Variants in ASTN2 observed in about 807,000 individuals in gnomAD.
The protein encoded by ASTN2 is astrotactin 2.
In ASTN2, 54 loss-of-function variants were observed where a neutral mutation model predicts 139.8. The ratio of observed to expected loss-of-function variants is 0.39; its 90% CI spans 0.31 to 0.48. ASTN2 has a LOEUF of 0.48. Among genes scored for constraint, ASTN2 ranks in the 20% least tolerant of loss-of-function variants. The pLI is 0.95. For missense variants in ASTN2, 1,565 were observed against 1,725.1 expected (o/e 0.91, Z 1.64); for synonymous variants, 756 against 719.5 (o/e 1.05, Z -0.81).
intron 10 of ASTN2, among the ~76,000 whole-genome samples, chr9:116,942,582 C>A (rs1835271979): frequency 6.6e-6 from 1 of 152,176 alleles, no homozygotes; most frequent in Admixed American, 6.5e-5. Flanking sequence ...CCCTTTCTTG[C>A]ACAAGGTGGA....
At chr9:117,290,792 C>G (rs995811606) in intron 2 of ASTN2, among the ~76,000 whole-genome samples, 19 of 152,310 alleles carry the variant, frequency 1.2e-4, no homozygotes, top group Admixed American at 9.1e-4. Context: ...ACAGTATTCA[C>G]AACTATAAAG....
At chr9:117,022,411 C>T (rs1837907990) in intron 6 of ASTN2, among the ~76,000 whole-genome samples, 2 of 149,584 alleles carry the variant, frequency 1.3e-5, no homozygotes, top group South Asian at 2.1e-4. Context: ...AAGATCACTT[C>T]TGAGAAATAG....
At chr9:117,299,691 C>A (rs1423612853) in intron 1 of ASTN2, among the ~76,000 whole-genome samples, 1 of 152,126 alleles carries the variant, frequency 6.6e-6, no homozygotes, top group Non-Finnish European at 1.5e-5. Flanking sequence ...GTGCCAGGTC[C>A]CACTTGGGGC....
intron 1 of ASTN2, among the ~76,000 whole-genome samples, chr9:117,342,646 C>A (rs879464691): frequency 2.6e-5 from 4 of 152,198 alleles, no homozygotes; most frequent in Non-Finnish European, 5.9e-5. Context: ...CTGGCTTCTT[C>A]ACCTACAAAA....
chr9:117,169,187 A>C (rs1020378919), intron 3 of ASTN2, among the ~76,000 whole-genome samples: 5 of 133,960 alleles, frequency 3.7e-5, no homozygotes, highest in Admixed American at 2.5e-4. Flanking sequence ...CCTGAGGGAA[A>C]ATAAAAAGGA....
chr9:117,120,633 C>T (rs1289177991), intron 4 of ASTN2, among the ~76,000 whole-genome samples: 3 of 152,124 alleles, frequency 2.0e-5, no homozygotes, highest in African/African-American at 7.2e-5. Context: ...TCCCTAGCCC[C>T]CAAATGTAGA....
chr9:116,871,095 A>G (rs1402687659), intron 10 of ASTN2, among the ~76,000 whole-genome samples: 1 of 152,002 alleles, frequency 6.6e-6, no homozygotes, highest in Non-Finnish European at 1.5e-5. Flanking sequence ...TGTCTCTACT[A>G]AAAATACAAA....
Position 116,835,373 on chromosome 9 carries a change from C to G in ASTN2, c.2041-14590G>C, listed in dbSNP as rs1831951424. On this transcript the variant is annotated intron_variant, in intron 11 of 22. Transcript: ENST00000313400. ...GTTTCTTGACATATTTTGAAATGGCCCTGCAAAGCTGTTCTTTGTAGGGAA... is the reference window on the plus strand; with the variant it reads ...GTTTCTTGACATATTTTGAAATGGCGCTGCAAAGCTGTTCTTTGTAGGGAA... Among the ~76,000 whole-genome samples, 3 of 152,204 alleles carry G rather than the reference C, an allele frequency of 2.0e-5. No homozygotes were observed. In the South Asian group the frequency reaches 6.2e-4, roughly 32 times the overall value.
intron 2 of ASTN2, among the ~76,000 whole-genome samples, chr9:117,285,361 T>G (rs1834423255): frequency 6.7e-6 from 1 of 150,040 alleles, no homozygotes; most frequent in African/African-American, 2.4e-5. Flanking sequence ...AGGTAAACCA[T>G]TCCATGATTG....
chr9:116,889,916 G>A (rs184381508), intron 10 of ASTN2, among the ~76,000 whole-genome samples: 1 of 152,128 alleles, frequency 6.6e-6, no homozygotes, highest in East Asian at 1.9e-4. Context: ...AGGCAACAAA[G>A]CAAGACTGTC....
chr9:116,837,895 C>T (rs1310242077), intron 11 of ASTN2, among the ~76,000 whole-genome samples: 1 of 152,162 alleles, frequency 6.6e-6, no homozygotes, highest in Non-Finnish European at 1.5e-5. Flanking sequence ...AAAGGAACAG[C>T]ACTAGTCTTA....
At chr9:117,026,322 C>T (rs954091346) in intron 6 of ASTN2, among the ~76,000 whole-genome samples, 1 of 152,044 alleles carries the variant, frequency 6.6e-6, no homozygotes, top group Non-Finnish European at 1.5e-5. Flanking sequence ...GAAGATGAAG[C>T]TTAGTTAGGA....
chr9:117,204,315 T>C (rs1221155819), intron 3 of ASTN2, among the ~76,000 whole-genome samples: 1 of 152,164 alleles, frequency 6.6e-6, no homozygotes, highest in African/African-American at 2.4e-5. Context: ...TGCCTCAGCC[T>C]CCCAAAGGCT....
At chr9:117,036,173 C>G (rs1838379257) in intron 6 of ASTN2, among the ~76,000 whole-genome samples, 1 of 152,034 alleles carries the variant, frequency 6.6e-6, no homozygotes, top group Non-Finnish European at 1.5e-5. Context: ...AACTAAGCAA[C>G]AAAATTGAGA....
intron 15 of ASTN2, among the ~76,000 whole-genome samples, chr9:116,727,718 C>G (rs1184575736): frequency 1.3e-5 from 2 of 152,122 alleles, no homozygotes; most frequent in East Asian, 3.9e-4. Flanking sequence ...AAACTGCAAT[C>G]AAATCCTTGA....
chr9:117,105,649 C>T (rs1404907786), intron 4 of ASTN2, among the ~76,000 whole-genome samples: 1 of 151,846 alleles, frequency 6.6e-6, no homozygotes, highest in Non-Finnish European at 1.5e-5. Flanking sequence ...GTAAACAGAA[C>T]ACTCCCCTTT....
intron 10 of ASTN2, among the ~76,000 whole-genome samples, chr9:116,957,428 A>G (rs1359611448): frequency 1.3e-5 from 2 of 152,214 alleles, no homozygotes; most frequent in Non-Finnish European, 2.9e-5. Context: ...TGCTATTAAG[A>G]TAGTACTATT....
At chr9:116,535,160 T>A (rs1851558581) in intron 19 of ASTN2, among the ~76,000 whole-genome samples, 1 of 152,210 alleles carries the variant, frequency 6.6e-6, no homozygotes, top group Non-Finnish European at 1.5e-5. Context: ...TAAAGTCTGT[T>A]TTATCAGAGT....
intron 6 of ASTN2, among the ~76,000 whole-genome samples, chr9:117,014,949 C>T (rs554383165): frequency 1.1e-4 from 17 of 152,254 alleles, no homozygotes; most frequent in Non-Finnish European, 1.6e-4. Context: ...GCAACTCAGG[C>T]TATGAAACTT....
Sources: gnomAD v4.1 joint callset for allele counts (sites outside exome capture counted in the v4.1 genomes callset) on GRCh38, gnomAD v4.1.1 for gene constraint, MANE v1.5 for transcripts, NCBI Gene and HGNC (gene_info 2026-07-23, HGNC 2026-07-21) for gene names.